CRISPLD2: variants seen among roughly 807,000 people sequenced by gnomAD.
CRISPLD2 encodes the protein cysteine rich secretory protein LCCL domain containing 2.
In CRISPLD2, 47 loss-of-function variants were observed where a neutral mutation model predicts 71.1. That is an observed-to-expected ratio of 0.66 (90% CI 0.52 to 0.84). CRISPLD2 has a LOEUF of 0.84. Among genes scored for constraint, CRISPLD2 ranks in the 40% least tolerant of loss-of-function variants. The probability of loss-of-function intolerance (pLI) is 0.00; values close to 1 mark genes in which losing one functional copy is unlikely to be tolerated. For synonymous variants in CRISPLD2, 317 were observed against 250.1 expected, an observed-to-expected ratio of 1.27 and a Z score of -2.52; for missense variants, 830 against 651.1, an observed-to-expected ratio of 1.27 and a Z score of -2.99.
chr16:84,856,570 G>A (rs1232518660), intron 6 of CRISPLD2, among the ~76,000 whole-genome samples: 1 of 152,188 alleles, frequency 6.6e-6, no homozygotes, highest in Admixed American at 6.5e-5. Flanking sequence ...GTGAGGGTGA[G>A]TGATGCCATT....
chr16:84,846,707 T>C (rs1916924096), intron 3 of CRISPLD2, among the ~76,000 whole-genome samples: 1 of 152,156 alleles, frequency 6.6e-6, no homozygotes, highest in Admixed American at 6.5e-5. Flanking sequence ...AAGATGCCCA[T>C]TGCCTTCCCC....
At chr16:84,876,165 A>G (rs1385100047) in intron 11 of CRISPLD2, among the ~76,000 whole-genome samples, 1 of 152,230 alleles carries the variant, frequency 6.6e-6, no homozygotes, top group African/African-American at 2.4e-5. Flanking sequence ...ATCAAACATA[A>G]GGACCACAAA....
Position 84,872,994 on chromosome 16 carries a change from G to A in CRISPLD2, c.984G>A (p.Ser328=), listed in dbSNP as rs779433800. The change falls in exon 10 of 15, where the codon TCG becomes TCA. Residue 328 remains serine (S), a splice_region_variant and synonymous_variant. Transcript: ENST00000262424. Reference sequence around the variant, plus strand: ...GTCTTCTCTTCCCTTCCCGCCAGTCGTCTAGCATATGCCGCGCCGCCATCC... The same window carrying A: ...GTCTTCTCTTCCCTTCCCGCCAGTCATCTAGCATATGCCGCGCCGCCATCC... ...KIFGTLFYES[S]SSICRAAIHY... 50 of 1,610,332 alleles carry A rather than the reference G, an allele frequency of 3.1e-5. No individual in the cohort carries two copies. Among genetic ancestry groups the A allele is most frequent in the Middle Eastern group, 3.4e-4 (2 of 5,874 alleles).
At chr16:84,881,909 C>A (rs1179290320) in intron 13 of CRISPLD2, among the ~76,000 whole-genome samples, 4 of 152,296 alleles carry the variant, frequency 2.6e-5, no homozygotes, top group Non-Finnish European at 4.4e-5. Context: ...TCACTGGGCT[C>A]TGTAAGGTCA....
intron 6 of CRISPLD2, among the ~76,000 whole-genome samples, chr16:84,861,261 A>G (rs1162474543): frequency 6.6e-6 from 1 of 152,240 alleles, no homozygotes; most frequent in East Asian, 1.9e-4. Flanking sequence ...GTGTTCCTCT[A>G]GAACCACTCC....
At chr16:84,851,035 A>G (rs75656821) in intron 5 of CRISPLD2, among the ~76,000 whole-genome samples, 4,289 of 152,264 alleles carry the variant, frequency 0.028, 195 homozygotes, top group African/African-American at 0.098. Context: ...TAGACCAATC[A>G]TAGATGAGGG....
intron 13 of CRISPLD2, among the ~76,000 whole-genome samples, chr16:84,888,392 C>T (rs1312406921): frequency 6.6e-6 from 1 of 152,214 alleles, no homozygotes; most frequent in African/African-American, 2.4e-5. Flanking sequence ...AAAAATTAGC[C>T]AGGTGTTGTG....
chr16:84,863,685 G>T (rs921330741), intron 6 of CRISPLD2, among the ~76,000 whole-genome samples: 1 of 152,140 alleles, frequency 6.6e-6, no homozygotes, highest in African/African-American at 2.4e-5. Context: ...AAATGCTGGG[G>T]ATGGCCGGGC....
chr16:84,893,141 G>A (rs1355494412), intron 14 of CRISPLD2, among the ~76,000 whole-genome samples: 4 of 152,054 alleles, frequency 2.6e-5, no homozygotes, highest in South Asian at 2.1e-4. Flanking sequence ...TGTGGCGCCC[G>A]CTGCACTGGG....
intron 3 of CRISPLD2, among the ~76,000 whole-genome samples, chr16:84,847,529 T>C (rs1057153748): frequency 2.0e-5 from 3 of 151,996 alleles, no homozygotes; most frequent in Non-Finnish European, 2.9e-5. Flanking sequence ...CAGGCGCCTG[T>C]CATCCCAGCT....
intron 1 of CRISPLD2, among the ~76,000 whole-genome samples, chr16:84,820,815 G>A (rs569197375): frequency 3.2e-4 from 49 of 152,296 alleles, no homozygotes; most frequent in African/African-American, 1.1e-3. Flanking sequence ...TAGCCAGAGC[G>A]GGCACCTGCA....
intron 13 of CRISPLD2, among the ~76,000 whole-genome samples, chr16:84,884,881 T>C (rs1597478663): frequency 6.6e-6 from 1 of 152,104 alleles, no homozygotes; most frequent in South Asian, 2.1e-4. Flanking sequence ...ACCAGGAGGG[T>C]GCCCCTCCCC....
In CRISPLD2 at chr16:84,894,764, T is replaced by A. The variant is rs112604740; in HGVS notation, c.1439+5401T>A. On this transcript the variant is annotated intron_variant, in intron 14 of 14. Transcript: ENST00000262424. Reference sequence around the variant, plus strand: ...ACATTCTTTTTTGGGTATAAGGTCTTGGAGATCTGGTGTGTGTTTCACCCT... The same window carrying A: ...ACATTCTTTTTTGGGTATAAGGTCTAGGAGATCTGGTGTGTGTTTCACCCT... Among the ~76,000 whole-genome samples the A allele has an allele frequency of 8.1e-4, 124 of 152,322 alleles. 1 individual carries two copies. Among genetic ancestry groups the A allele is most frequent in the African/African-American group, 2.9e-3 (119 of 41,568 alleles).
intron 14 of CRISPLD2, among the ~76,000 whole-genome samples, chr16:84,891,149 T>G (rs75355494): frequency 0.012 from 1,871 of 152,284 alleles, 39 homozygotes; most frequent in African/African-American, 0.043. Context: ...CATATGGATT[T>G]TGAGGGACCA....
At position 84,872,374 on chromosome 16, in the gene CRISPLD2, G is replaced by A; in HGVS notation, c.915-68G>A. 4.6e-6 allele frequency: 6 copies of A among 1,293,588 alleles called. No homozygotes were observed. In the South Asian group the frequency reaches 4.8e-5, roughly 10 times the overall value. 80.1% of individuals were successfully genotyped at this position (1,293,588 alleles called of 1,614,324 possible). On this transcript the variant is annotated intron_variant, in intron 8 of 14. Transcript: ENST00000262424. ...TAATAGAGCCATCGATGAAAAAAATGATAAACTCATTGTGAGATGTAATCA... is the reference window on the plus strand; with the variant it reads ...TAATAGAGCCATCGATGAAAAAAATAATAAACTCATTGTGAGATGTAATCA...
At chr16:84,852,892 C>A (rs1032863652) in intron 5 of CRISPLD2, among the ~76,000 whole-genome samples, 1 of 152,088 alleles carries the variant, frequency 6.6e-6, no homozygotes, top group South Asian at 2.1e-4. Context: ...CTGGCAAAAC[C>A]CCATCTCCAC....
Position 84,873,913 on chromosome 16 carries a change from T to TTTTA in CRISPLD2, c.1113-7_1113-6insTTTA. The stretch of plus-strand genomic sequence containing the variant: ...TGCCCGTTTTTTTTTTTTTTTTTTT[T>TTTTA]AAACAGCAAATACAAACCTTCCAGC... On this transcript the variant is annotated splice_region_variant and splice_polypyrimidine_tract_variant and intron_variant, in intron 10 of 14. Coordinates refer to ENST00000262424, the MANE Select transcript of CRISPLD2 (RefSeq NM_031476.4). 6.9e-7 allele frequency: 1 copy of TTTTA among 1,444,756 alleles called. No homozygotes were observed. 89.5% of individuals were successfully genotyped at this position (1,444,756 alleles called of 1,614,324 possible).
chr16:84,879,361 CTT>C (rs376471544), intron 12 of CRISPLD2, among the ~76,000 whole-genome samples: 1 of 83,326 alleles, frequency 1.2e-5, no homozygotes. Flanking sequence ...CTTTCCAATT[CTT>C]TTTTTTTTTT....
chr16:84,868,055 A>G (rs535410816), intron 7 of CRISPLD2, among the ~76,000 whole-genome samples: 1 of 152,284 alleles, frequency 6.6e-6, no homozygotes, highest in Admixed American at 6.5e-5. Flanking sequence ...GCAAGCCTCA[A>G]AGGCCCTAAA....
Sources: allele counts gnomAD v4.1 joint callset (sites outside exome capture counted in the v4.1 genomes callset), GRCh38; gene constraint gnomAD v4.1.1; transcripts MANE v1.5; gene names NCBI Gene and HGNC (gene_info 2026-07-23, HGNC 2026-07-21).